ANKRD13C: variants seen among roughly 807,000 people sequenced by gnomAD.
The protein encoded by ANKRD13C is ankyrin repeat domain-containing protein 13C.
A neutral mutation model predicts 65.5 loss-of-function variants in ANKRD13C; 16 were observed. The ratio of observed to expected loss-of-function variants is 0.24; its 90% CI spans 0.17 to 0.37. ANKRD13C has a LOEUF of 0.37. Among genes scored for constraint, ANKRD13C ranks in the 10% least tolerant of loss-of-function variants. The pLI, the probability that ANKRD13C is intolerant of heterozygous loss-of-function variation, is 1.00. For synonymous variants in ANKRD13C, 235 were observed against 238.7 expected, an observed-to-expected ratio of 0.98 and a Z score of 0.14; for missense variants, 503 against 655.9, an observed-to-expected ratio of 0.77 and a Z score of 2.55.
intron 11 of ANKRD13C, among the ~76,000 whole-genome samples, chr1:70,272,062 C>A (rs992149173): frequency 2.0e-5 from 3 of 151,920 alleles, no homozygotes; most frequent in Non-Finnish European, 4.4e-5. Context: ...TTACAATCTC[C>A]TTTTCATTTC....
At chr1:70,324,116 A>G (rs1464434303) in intron 3 of ANKRD13C, among the ~76,000 whole-genome samples, 1 of 152,196 alleles carries the variant, frequency 6.6e-6, no homozygotes, top group East Asian at 1.9e-4. Flanking sequence ...GTTCCACATT[A>G]TGCATTTCTT....
At chr1:70,276,897 ATTT>A (rs1317189660) in intron 9 of ANKRD13C, 53 bp from the exon 10 acceptor site, 1 of 1,355,728 alleles carries the variant, frequency 7.4e-7, no homozygotes, top group African/African-American at 1.5e-5. Context: ...GAAAGATGTT[ATTT>A]TTTAAATATA....
intron 9 of ANKRD13C, among the ~76,000 whole-genome samples, chr1:70,279,500 C>CTTT (rs757385338): frequency 5.1e-3 from 520 of 101,240 alleles, no homozygotes; most frequent in Non-Finnish European, 7.1e-3. Context: ...TTTTGAGCTA[C>CTTT]TTTTTTTTTT....
intron 9 of ANKRD13C, 70 bp from the exon 10 acceptor site, chr1:70,276,914 T>C: frequency 1.7e-6 from 2 of 1,187,368 alleles, no homozygotes. Context: ...AAATATAAGA[T>C]TAAAATACAT....
chr1:70,322,961 C>T (rs1406911963), intron 3 of ANKRD13C, among the ~76,000 whole-genome samples: 1 of 151,876 alleles, frequency 6.6e-6, no homozygotes, highest in Non-Finnish European at 1.5e-5. Flanking sequence ...CCATTGCACT[C>T]CAGCCTGGGC....
chr1:70,260,649 C>A lies in ANKRD13C; in HGVS notation c.*2068G>T, dbSNP rs949189522. 7.2e-5 allele frequency: 11 copies of A among 151,982 alleles called. No homozygotes were observed. Among genetic ancestry groups the A allele is most frequent in the Non-Finnish European group, 1.5e-5 (1 of 67,944 alleles). The allele number at this position is 151,982 out of a possible 1,614,324, so 9.4% of individuals were successfully genotyped here. The stretch of plus-strand genomic sequence containing the variant: ...TCGATTAATTCCTTTTTTTCACCAT[C>A]ATAAGAGATATTGACATTTGTTTGC... On this transcript the variant is annotated 3_prime_UTR_variant, in exon 13 of 13. Transcript: ENST00000370944.
At chr1:70,309,730 A>AT (rs1478622590) in intron 5 of ANKRD13C, among the ~76,000 whole-genome samples, 1,226 of 110,274 alleles carry the variant, frequency 0.011, 20 homozygotes, top group African/African-American at 0.025. Flanking sequence ...AAAAAAAAAA[A>AT]AAAATAATAA....
At chr1:70,278,209 C>A (rs1302231884) in intron 9 of ANKRD13C, among the ~76,000 whole-genome samples, 2 of 143,050 alleles carry the variant, frequency 1.4e-5, no homozygotes, top group East Asian at 2.1e-4. Context: ...AAAAAAAGAA[C>A]TGGCCAGGCG....
intron 5 of ANKRD13C, among the ~76,000 whole-genome samples, chr1:70,312,852 G>C (rs1332154371): frequency 1.4e-5 from 2 of 147,514 alleles, no homozygotes; most frequent in Admixed American, 1.4e-4. Flanking sequence ...CTCTCTAGTG[G>C]ACTCATGTTT....
intron 9 of ANKRD13C, among the ~76,000 whole-genome samples, chr1:70,284,702 T>C (rs901806918): frequency 1.3e-5 from 2 of 152,210 alleles, no homozygotes; most frequent in African/African-American, 4.8e-5. Flanking sequence ...TAAACCTCAA[T>C]TTCTTTTTTA....
intron 4 of ANKRD13C, 53 bp from the exon 5 acceptor site, chr1:70,313,843 A>C (rs1680957295): frequency 7.4e-6 from 10 of 1,355,540 alleles, no homozygotes; most frequent in Non-Finnish European, 1.1e-5. Flanking sequence ...AAAAGTTCTT[A>C]TGCTTTAAAA....
At chr1:70,294,185 A>C (rs1403715205) in intron 8 of ANKRD13C, among the ~76,000 whole-genome samples, 1 of 152,230 alleles carries the variant, frequency 6.6e-6, no homozygotes, top group African/African-American at 2.4e-5. Flanking sequence ...TTTATGAAAA[A>C]GTAAGCATCA....
intron 5 of ANKRD13C, among the ~76,000 whole-genome samples, chr1:70,308,298 C>A (rs1382683835): frequency 1.3e-5 from 2 of 151,988 alleles, no homozygotes; most frequent in Non-Finnish European, 2.9e-5. Context: ...ACCCAGCCAA[C>A]ATTATATCTT....
At chr1:70,277,856 G>GGCAATAAGGAACTAAACTCTGGA (rs1297066618) in intron 9 of ANKRD13C, among the ~76,000 whole-genome samples, 2 of 151,994 alleles carry the variant, frequency 1.3e-5, no homozygotes, top group African/African-American at 4.8e-5. Context: ...AAGATGAACT[G>GGCAATAAGGAACTAAACTCTGGA]GCAATAAGGA....
chr1:70,354,546 T>C lies in ANKRD13C; in HGVS notation c.-138A>G. On this transcript the variant is annotated 5_prime_UTR_variant, in exon 1 of 13. Coordinates refer to ENST00000370944, the MANE Select transcript of ANKRD13C (RefSeq NM_030816.5). Reference sequence around the variant, plus strand: ...TGAACTCCCACTGAGCCCCCGAGCCTGGGACAAACGCATCTCCCGGGGAAG... The same window carrying C: ...TGAACTCCCACTGAGCCCCCGAGCCCGGGACAAACGCATCTCCCGGGGAAG... The C allele has an allele frequency of 7.0e-7, 1 of 1,436,210 alleles. No homozygotes were observed. The highest frequency in any genetic ancestry group is 9.1e-7 in the Non-Finnish European group (1 of 1,099,874). The allele number at this position is 1,436,210 out of a possible 1,614,324, so 89.0% of individuals were successfully genotyped here.
At chr1:70,302,765 A>G (rs1680431402) in intron 6 of ANKRD13C, among the ~76,000 whole-genome samples, 2 of 142,150 alleles carry the variant, frequency 1.4e-5, no homozygotes, top group Non-Finnish European at 3.1e-5. Context: ...AGAAAATAGT[A>G]TTAAAAGGGA....
chr1:70,299,331 G>A (rs766955631), intron 7 of ANKRD13C, among the ~76,000 whole-genome samples: 1 of 152,202 alleles, frequency 6.6e-6, no homozygotes, highest in East Asian at 1.9e-4. Flanking sequence ...AAGGAACCAT[G>A]CCGTGCTAAG....
At chr1:70,322,150 A>C (rs1681338934) in intron 3 of ANKRD13C, among the ~76,000 whole-genome samples, 2 of 152,134 alleles carry the variant, frequency 1.3e-5, no homozygotes, top group South Asian at 4.1e-4. Flanking sequence ...CCCCATCTCT[A>C]CTAAAAATAC....
rs148938867 is a variant in ANKRD13C at position 70,337,693 on chromosome 1, A to G, written c.431-1594T>C. Among the ~76,000 whole-genome samples the G allele has an allele frequency of 3.3e-5, 5 of 152,376 alleles. No homozygotes were observed. The East Asian group carries it at 9.6e-4, about 29-fold the overall frequency. ...ATCTCTTGATCTTAACTAGGGACAA[A>G]AAAACAAGACAGATTTGGAGATATA... On this transcript the variant is annotated intron_variant, in intron 1 of 12. Coordinates refer to ENST00000370944, the MANE Select transcript of ANKRD13C (RefSeq NM_030816.5).
Sources: allele counts gnomAD v4.1 joint callset (sites outside exome capture counted in the v4.1 genomes callset), GRCh38; gene constraint gnomAD v4.1.1; transcripts MANE v1.5; gene names NCBI Gene and HGNC (gene_info 2026-07-23, HGNC 2026-07-21).